Variants in DNAJC1 observed in about 807,000 individuals in gnomAD.
DNAJC1 encodes the protein DnaJ heat shock protein family (Hsp40) member C1.
DNAJC1 carries 58 observed loss-of-function variants against 76.6 expected under a neutral mutation model. The ratio of observed to expected loss-of-function variants is 0.76; its 90% CI spans 0.61 to 0.94. The LOEUF (loss-of-function observed/expected upper bound fraction) is 0.94, where lower values mean the gene tolerates loss of function less well. DNAJC1 is among the 40% of genes least tolerant of loss of function. The probability of loss-of-function intolerance (pLI) is 0.00; values close to 1 mark genes in which losing one functional copy is unlikely to be tolerated. For missense variants in DNAJC1, 689 were observed against 677.3 expected, an observed-to-expected ratio of 1.02 and a Z score of -0.19; for synonymous variants, 258 against 267.9, an observed-to-expected ratio of 0.96 and a Z score of 0.36.
chr10:21,971,288 G>C (rs1837973418), intron 1 of DNAJC1, among the ~76,000 whole-genome samples: 1 of 151,714 alleles, frequency 6.6e-6, no homozygotes, highest in South Asian at 2.1e-4. Context: ...TTCAGTAATA[G>C]CTGGCAATGA....
chr10:21,929,010 A>AAT (rs200995114), intron 2 of DNAJC1, 30 bp downstream of exon 2: 19,472 of 1,363,936 alleles, frequency 0.014, 141 homozygotes, highest in Non-Finnish European at 0.018. Flanking sequence ...TTTGTCACAA[A>AAT]ATATATATAT....
chr10:21,971,609 T>TA (rs1417392050), intron 1 of DNAJC1, among the ~76,000 whole-genome samples: 1 of 151,890 alleles, frequency 6.6e-6, no homozygotes, highest in Non-Finnish European at 1.5e-5. Context: ...TTTAAAAAAA[T>TA]AATAATTTGT....
At chr10:21,859,670 T>G (rs1835892210) in intron 8 of DNAJC1, among the ~76,000 whole-genome samples, 1 of 152,148 alleles carries the variant, frequency 6.6e-6, no homozygotes, top group African/African-American at 2.4e-5. Flanking sequence ...CTGTCTATGG[T>G]CATTCACTGC....
At chr10:21,919,664 T>G (rs890243899) in intron 5 of DNAJC1, among the ~76,000 whole-genome samples, 168 bp downstream of exon 5, 2 of 151,996 alleles carry the variant, frequency 1.3e-5, no homozygotes, top group African/African-American at 4.8e-5. Context: ...ACATTTTGCT[T>G]AAGATTAGAA....
At chr10:21,985,967 C>T (rs376230035) in intron 1 of DNAJC1, among the ~76,000 whole-genome samples, 1 of 152,164 alleles carries the variant, frequency 6.6e-6, no homozygotes, top group African/African-American at 2.4e-5. Context: ...GTGGCTCACG[C>T]CTGTAATCCC....
At chr10:21,878,304 G>A (rs577593402) in intron 8 of DNAJC1, among the ~76,000 whole-genome samples, 2 of 152,244 alleles carry the variant, frequency 1.3e-5, no homozygotes, top group East Asian at 3.9e-4. Context: ...TAGCATCATC[G>A]GGAGGTTTAA....
chr10:21,923,256 G>A (rs192888627), intron 3 of DNAJC1, among the ~76,000 whole-genome samples: 1 of 151,918 alleles, frequency 6.6e-6, no homozygotes, highest in African/African-American at 2.4e-5. Flanking sequence ...TCACACGACT[G>A]GCCATTTTAA....
chr10:21,849,976 A>C (rs759938312), intron 8 of DNAJC1, among the ~76,000 whole-genome samples: 4 of 152,178 alleles, frequency 2.6e-5, no homozygotes, highest in Non-Finnish European at 2.9e-5. Flanking sequence ...CCTCAACATA[A>C]TAGAGGTCAT....
At chr10:21,965,262 G>C (rs1024301840) in intron 1 of DNAJC1, among the ~76,000 whole-genome samples, 4 of 152,026 alleles carry the variant, frequency 2.6e-5, no homozygotes, top group African/African-American at 9.7e-5. Flanking sequence ...CTGCTGTCTA[G>C]TCTATTTTGT....
At chr10:21,802,983 A>G (rs1834830016) in intron 9 of DNAJC1, among the ~76,000 whole-genome samples, 1 of 152,180 alleles carries the variant, frequency 6.6e-6, no homozygotes, top group Admixed American at 6.5e-5. Flanking sequence ...CAGATTAGGT[A>G]TATCTGAATT....
chr10:22,003,087 C>T (rs1838549029), intron 1 of DNAJC1, 126 bp downstream of exon 1: 2 of 1,326,526 alleles, frequency 1.5e-6, no homozygotes, highest in Non-Finnish European at 1.9e-6. Flanking sequence ...GTGACCCGAG[C>T]TGAGGGCAGC....
intron 1 of DNAJC1, among the ~76,000 whole-genome samples, chr10:21,961,147 T>C (rs1352881685): frequency 6.6e-6 from 1 of 152,246 alleles, no homozygotes; most frequent in Non-Finnish European, 1.5e-5. Context: ...GTGCAACTGC[T>C]TGTGAAAAAC....
chr10:21,990,256 T>G (rs112912402), intron 1 of DNAJC1, among the ~76,000 whole-genome samples: 7 of 152,304 alleles, frequency 4.6e-5, no homozygotes, highest in African/African-American at 1.7e-4. Flanking sequence ...CCACAAATCA[T>G]GCCTAATACA....
intron 7 of DNAJC1, among the ~76,000 whole-genome samples, chr10:21,890,352 G>A (rs1196768217): frequency 6.7e-6 from 1 of 150,356 alleles, no homozygotes. Flanking sequence ...GGCAGAGGTT[G>A]CAGTGAGCCA....
chr10:21,927,336 C>G (rs1449083701), intron 3 of DNAJC1, among the ~76,000 whole-genome samples: 1 of 152,194 alleles, frequency 6.6e-6, no homozygotes, highest in Non-Finnish European at 1.5e-5. Flanking sequence ...TTTTAGGATA[C>G]AGACTAATTC....
At chr10:21,802,783 T>A (rs1190669871) in intron 9 of DNAJC1, among the ~76,000 whole-genome samples, 1 of 152,126 alleles carries the variant, frequency 6.6e-6, no homozygotes. Context: ...GCAAGAAATC[T>A]GGGGCCCCCT....
intron 8 of DNAJC1, among the ~76,000 whole-genome samples, chr10:21,829,797 A>T: frequency 6.6e-6 from 1 of 152,224 alleles, no homozygotes; most frequent in East Asian, 1.9e-4. Flanking sequence ...TTGTGATTGA[A>T]ATATTTGGAT....
chr10:21,928,411 A>T (rs1837164547), intron 3 of DNAJC1, 95 bp downstream of exon 3: 2 of 1,109,664 alleles, frequency 1.8e-6, no homozygotes, highest in Non-Finnish European at 2.6e-6. Flanking sequence ...ATAAAATGCT[A>T]ACATAATAAT....
intron 1 of DNAJC1, among the ~76,000 whole-genome samples, chr10:21,941,027 G>T (rs940402751): frequency 6.7e-6 from 1 of 150,176 alleles, no homozygotes; most frequent in Non-Finnish European, 1.5e-5. Context: ...CAAGGCGGGC[G>T]GATCACAAGG....
Sources: gnomAD v4.1 joint callset for allele counts (sites outside exome capture counted in the v4.1 genomes callset) on GRCh38, gnomAD v4.1.1 for gene constraint, MANE v1.5 for transcripts, NCBI Gene and HGNC (gene_info 2026-07-23, HGNC 2026-07-21) for gene names.